TIAM2: variants seen among roughly 807,000 people sequenced by gnomAD.
The protein encoded by TIAM2 is TIAM Rac1 associated GEF 2.
Under a neutral mutation model 152.9 loss-of-function variants are expected in TIAM2, and 80 were observed. That is an observed-to-expected ratio of 0.52 (90% CI 0.44 to 0.63). TIAM2 has a LOEUF of 0.63. Ranked by LOEUF, TIAM2 falls within the 30% of genes least tolerant of loss-of-function variation. The probability of loss-of-function intolerance (pLI) is 0.00; values close to 1 mark genes in which losing one functional copy is unlikely to be tolerated. For synonymous variants in TIAM2, 804 were observed against 838.0 expected, an observed-to-expected ratio of 0.96 and a Z score of 0.70; for missense variants, 1,965 against 2,120.1, an observed-to-expected ratio of 0.93 and a Z score of 1.44.
intron 19 of TIAM2, 64 bp downstream of exon 19, chr6:155,245,795 T>C (rs1783292577): frequency 1.0e-5 from 11 of 1,098,292 alleles, no homozygotes; most frequent in African/African-American, 3.4e-5. Context: ...TAGTAAAGGG[T>C]AAATCTGTAT....
chr6:155,029,647 CTA>C (rs530021674), intron 1 of TIAM2, among the ~76,000 whole-genome samples: 3 of 95,426 alleles, frequency 3.1e-5, no homozygotes, highest in Admixed American at 1.3e-4. Context: ...AGTTATATAA[CTA>C]TATATAGAGT....
intron 2 of TIAM2, among the ~76,000 whole-genome samples, chr6:155,123,100 A>T (rs1475406814): frequency 6.6e-6 from 1 of 152,130 alleles, no homozygotes; most frequent in Non-Finnish European, 1.5e-5. Flanking sequence ...GACAATAATT[A>T]CTTAGCTTCC....
Position 155,109,510 on chromosome 6 carries a change from A to G in TIAM2, c.-117-17980A>G, listed in dbSNP as rs1003644705. 2.0e-4 allele frequency among the ~76,000 whole-genome samples: 30 copies of G among 152,316 alleles called. 1 individual carries two copies. The highest frequency in any genetic ancestry group is 1.5e-3 in the Admixed American group (23 of 15,302). The stretch of plus-strand genomic sequence containing the variant: ...AAAGTAATAATAATGGTAGTAGATA[A>G]ACCTGAATGTCTGACTGTTGAATTC... On this transcript the variant is annotated intron_variant, in intron 2 of 26. Coordinates refer to ENST00000682666, the MANE Select transcript of TIAM2 (RefSeq NM_012454.4).
intron 2 of TIAM2, among the ~76,000 whole-genome samples, chr6:155,106,417 AT>A (rs1778691375): frequency 6.6e-6 from 1 of 152,338 alleles, no homozygotes; most frequent in Admixed American, 6.5e-5. Flanking sequence ...TTAATGGTTC[AT>A]TTTTAATAAA....
In TIAM2 at chr6:155,164,747, G is replaced by C. The variant is rs138163967; in HGVS notation, c.2214+147G>C. On this transcript the variant is annotated intron_variant, in intron 8 of 26. Transcript: ENST00000682666. ...CAGGTCACCCAGAGGCCAGGGGCCT[G>C]GAGATGAAGGAGACCAGACGTCGTG... is the stretch of plus-strand genomic sequence containing the variant. 2.1e-3 allele frequency: 1,965 copies of C among 924,502 alleles called. 34 individuals are homozygous for C. In the South Asian group the frequency reaches 0.023, roughly 11 times the overall value. The allele number at this position is 924,502 out of a possible 1,614,324, so 57.3% of individuals were successfully genotyped here.
chr6:155,149,186 C>A (rs923145), intron 7 of TIAM2: 80,617 of 166,974 alleles, frequency 0.48, 19,723 homozygotes, highest in Middle Eastern at 0.56. Flanking sequence ...CGGCCTTCGT[C>A]CCCTCAGGCC....
intron 1 of TIAM2, among the ~76,000 whole-genome samples, chr6:155,046,454 G>C (rs921866957): frequency 6.7e-6 from 1 of 149,398 alleles, no homozygotes; most frequent in African/African-American, 2.5e-5. Context: ...TCCTGTCTCA[G>C]CCTCCCGAGT....
At chr6:155,200,680 G>A (rs566252400) in intron 14 of TIAM2, among the ~76,000 whole-genome samples, 6 of 152,198 alleles carry the variant, frequency 3.9e-5, no homozygotes, top group Non-Finnish European at 5.9e-5. Context: ...TGAGGTGGGC[G>A]GATCACAAGG....
At chr6:155,197,477 T>A (rs1583243729) in intron 14 of TIAM2, among the ~76,000 whole-genome samples, 3 of 152,246 alleles carry the variant, frequency 2.0e-5, no homozygotes, top group African/African-American at 7.2e-5. Flanking sequence ...GACCCCGAAA[T>A]GCCAGTCACC....
intron 2 of TIAM2, among the ~76,000 whole-genome samples, chr6:155,103,108 G>C (rs910449599): frequency 6.6e-6 from 1 of 152,146 alleles, no homozygotes; most frequent in Non-Finnish European, 1.5e-5. Context: ...GAAAGATCAA[G>C]TCTAGTTTTA....
intron 15 of TIAM2, among the ~76,000 whole-genome samples, chr6:155,221,309 A>C (rs1782037786): frequency 6.6e-6 from 1 of 152,102 alleles, no homozygotes; most frequent in Non-Finnish European, 1.5e-5. Flanking sequence ...TCTGAAATTA[A>C]CTTGCTGAAG....
Position 155,129,349 on chromosome 6 carries a change from A to G in TIAM2, c.126A>G (p.Ser42=). ...GCATTCATGCAAAAGAGGAAAAGTC[A>G]TTGCATGGATGGGGTCACGGAAGCA... ...IRGIHAKEEK[S]LHGWGHGSNG... is the part of the protein sequence containing the mutation. The change falls in exon 4 of 27, where the codon TCA becomes TCG. Residue 42 remains serine (S), a synonymous_variant. Coordinates refer to ENST00000682666, the MANE Select transcript of TIAM2 (RefSeq NM_012454.4). The surrounding 1 kb of genome is among the most constrained non-coding windows in gnomAD (Gnocchi z 4.8). The G allele has an allele frequency of 6.2e-7, 1 of 1,614,184 alleles. No individual in the cohort carries two copies. Among genetic ancestry groups the G allele is most frequent in the Non-Finnish European group, 8.5e-7 (1 of 1,180,042 alleles).
In TIAM2 at chr6:155,253,196, T is replaced by G. The variant is rs551507110; in HGVS notation, c.4225+143T>G. Reference sequence around the variant, plus strand: ...GAAAATGAGGACAAGAGAGGTTGTTTTGATGTTCCTTAGCAGACTTCTGGG... The same window carrying G: ...GAAAATGAGGACAAGAGAGGTTGTTGTGATGTTCCTTAGCAGACTTCTGGG... On this transcript the variant is annotated intron_variant, in intron 24 of 26. Transcript: ENST00000682666. 4 of 678,000 alleles carry G rather than the reference T, an allele frequency of 5.9e-6. No individual in the cohort carries two copies. The Admixed American group carries it at 1.0e-4, about 17-fold the overall frequency. The allele number at this position is 678,000 out of a possible 1,614,324, so 42.0% of individuals were successfully genotyped here.
At chr6:155,034,242 A>C (rs987462595) in intron 1 of TIAM2, among the ~76,000 whole-genome samples, 1 of 149,780 alleles carries the variant, frequency 6.7e-6, no homozygotes, top group African/African-American at 2.5e-5. Context: ...TCTGGGGTCC[A>C]TTGGTTTTTT....
intron 1 of TIAM2, among the ~76,000 whole-genome samples, chr6:155,041,614 T>A (rs1247169028): frequency 3.3e-5 from 5 of 151,574 alleles, no homozygotes; most frequent in Admixed American, 6.6e-5. Context: ...CACGTTCATG[T>A]CACAGCTTTG....
intron 1 of TIAM2, among the ~76,000 whole-genome samples, chr6:155,022,145 G>T (rs1456743714): frequency 1.3e-5 from 2 of 152,122 alleles, no homozygotes; most frequent in Non-Finnish European, 2.9e-5. Context: ...CTCACAACTT[G>T]ATAATTTTCT....
chr6:155,143,132 G>A (rs977429273), intron 5 of TIAM2, among the ~76,000 whole-genome samples: 6 of 152,138 alleles, frequency 3.9e-5, no homozygotes, highest in Admixed American at 3.3e-4. Context: ...CCCAGATGGT[G>A]GTCATGTCAT....
chr6:155,061,733 T>C (rs1777583117), intron 1 of TIAM2, among the ~76,000 whole-genome samples: 1 of 152,232 alleles, frequency 6.6e-6, no homozygotes, highest in Non-Finnish European at 1.5e-5. Flanking sequence ...TGAAGTTGTG[T>C]CATATATTTC....
At chr6:155,135,484 C>A (rs1024706617) in intron 4 of TIAM2, among the ~76,000 whole-genome samples, 2 of 152,146 alleles carry the variant, frequency 1.3e-5, no homozygotes, top group African/African-American at 4.8e-5. Flanking sequence ...TTCATTTAAG[C>A]CATAAATGTT....
Sources: allele counts gnomAD v4.1 joint callset (sites outside exome capture counted in the v4.1 genomes callset), GRCh38; gene constraint gnomAD v4.1.1; non-coding constraint Gnocchi (gnomAD v3.1); transcripts MANE v1.5; gene names NCBI Gene and HGNC (gene_info 2026-07-23, HGNC 2026-07-21).